CRTC1: variants seen among roughly 807,000 people sequenced by gnomAD.
CRTC1 encodes the protein CREB regulated transcription coactivator 1, also known as CREB-regulated transcription coactivator 1.
A neutral mutation model predicts 66.1 loss-of-function variants in CRTC1; 18 were observed. The ratio of observed to expected loss-of-function variants is 0.27; its 90% CI spans 0.19 to 0.40. The LOEUF is 0.40. Ranked by LOEUF, CRTC1 falls within the 10% of genes least tolerant of loss-of-function variation. The pLI is 1.00. For synonymous variants in CRTC1, 416 were observed against 398.8 expected (o/e 1.04, Z -0.51); for missense variants, 669 against 887.9 (o/e 0.75, Z 3.13).
chr19:18,693,860 A>G (rs932136579), intron 1 of CRTC1, among the ~76,000 whole-genome samples: 1 of 151,666 alleles, frequency 6.6e-6, no homozygotes, highest in Non-Finnish European at 1.5e-5. Flanking sequence ...CTGGGTGGGC[A>G]CAGTGGCTCA....
chr19:18,781,320 C>T lies in CRTC1; in HGVS notation c.*3938C>T. The stretch of plus-strand genomic sequence containing the variant: ...AGGCCTGCCTGGGCTACATGGACAC[C>T]TGGGTCTCTTTCTACCCCCATTCAC... On this transcript the variant is annotated 3_prime_UTR_variant, in exon 14 of 14. Transcript: ENST00000321949. 4.4e-6 allele frequency: 1 copy of T among 227,708 alleles called. No individual in the cohort carries two copies. The highest frequency in any genetic ancestry group is 8.7e-6 in the Non-Finnish European group (1 of 115,392). The allele number at this position is 227,708 out of a possible 1,614,324, so 14.1% of individuals were successfully genotyped here. A position where few individuals can be genotyped will look rare whatever the true frequency, so the allele number is the denominator to read the frequency against.
chr19:18,727,162 A>C (rs1381857550), intron 1 of CRTC1, among the ~76,000 whole-genome samples: 2 of 152,082 alleles, frequency 1.3e-5, no homozygotes, highest in Admixed American at 6.6e-5. Flanking sequence ...CAGCAGGAGA[A>C]TCACTTGAGC....
chr19:18,719,881 G>A (rs1474717296), intron 1 of CRTC1, among the ~76,000 whole-genome samples: 3 of 152,252 alleles, frequency 2.0e-5, no homozygotes, highest in African/African-American at 7.2e-5. Context: ...GATGGGCACA[G>A]GCCCGCTCCG....
At chr19:18,725,014 C>T (rs538321094) in intron 1 of CRTC1, among the ~76,000 whole-genome samples, 175 of 152,152 alleles carry the variant, frequency 1.2e-3, no homozygotes, top group African/African-American at 3.9e-3. Context: ...CACCCAGGAG[C>T]GCTCCTGTTG....
At chr19:18,716,379 G>A (rs1411832268) in intron 1 of CRTC1, among the ~76,000 whole-genome samples, 1 of 152,094 alleles carries the variant, frequency 6.6e-6, no homozygotes, top group Non-Finnish European at 1.5e-5. Flanking sequence ...AGCCTCCCAA[G>A]TAGCTGGGAT....
intron 1 of CRTC1, among the ~76,000 whole-genome samples, chr19:18,709,234 C>T (rs927983890): frequency 6.6e-6 from 1 of 152,116 alleles, no homozygotes; most frequent in African/African-American, 2.4e-5. Context: ...GGGACAGGGC[C>T]TCCCAGCCTG....
At position 18,748,214 on chromosome 19, in the gene CRTC1, CAT is replaced by C. The variant is rs1237884993; in HGVS notation, c.443+1103_443+1104del. ...AGTTAAAACTATACATATATACACA[CAT>C]ATTTACATACATATGTATACAAACG... On this transcript the variant is annotated intron_variant, in intron 4 of 13. Transcript: ENST00000321949. Among the ~76,000 whole-genome samples, 7 of 152,136 alleles carry C rather than the reference CAT, an allele frequency of 4.6e-5. No individual in the cohort carries two copies. The South Asian group carries it at 1.5e-3, about 32-fold the overall frequency.
intron 1 of CRTC1, among the ~76,000 whole-genome samples, chr19:18,707,580 A>G (rs1162262961): frequency 1.3e-5 from 2 of 152,136 alleles, no homozygotes; most frequent in Non-Finnish European, 2.9e-5. Context: ...TGTCTATTTC[A>G]GATTCCTTGA....
intron 1 of CRTC1, among the ~76,000 whole-genome samples, chr19:18,733,590 CTCA>C (rs1272910384): frequency 4.6e-5 from 7 of 152,216 alleles, no homozygotes; most frequent in Admixed American, 1.3e-4. Context: ...CCCTGATGCT[CTCA>C]TCATCATTCC....
intron 1 of CRTC1, among the ~76,000 whole-genome samples, chr19:18,697,200 C>T (rs1403262924): frequency 2.6e-5 from 4 of 152,162 alleles, no homozygotes; most frequent in South Asian, 2.1e-4. Flanking sequence ...GAAGCATGGC[C>T]GGGGCCTCCT....
chr19:18,720,120 G>C (rs1390880034), intron 1 of CRTC1, among the ~76,000 whole-genome samples: 2 of 152,214 alleles, frequency 1.3e-5, no homozygotes, highest in Non-Finnish European at 2.9e-5. Flanking sequence ...TGTGCACCAA[G>C]AGATGTGTTT....
intron 1 of CRTC1, among the ~76,000 whole-genome samples, chr19:18,700,239 G>A (rs538751653): frequency 6.6e-6 from 1 of 152,158 alleles, no homozygotes; most frequent in Non-Finnish European, 1.5e-5. Flanking sequence ...TGAAGGGTGC[G>A]GTGAGGCCCA....
chr19:18,699,655 C>T (rs2053081666), intron 1 of CRTC1, among the ~76,000 whole-genome samples: 1 of 152,318 alleles, frequency 6.6e-6, no homozygotes, highest in South Asian at 2.1e-4. Context: ...GGAAGCCACA[C>T]CTGTGCCAGC....
At chr19:18,746,908 A>G in intron 3 of CRTC1, 145 bp from the exon 4 acceptor site, 1 of 663,364 alleles carries the variant, frequency 1.5e-6, no homozygotes, top group Non-Finnish European at 2.7e-6. Context: ...GCCGGCAGGA[A>G]ACGCCCCCCG....
chr19:18,777,674 CG>C lies in CRTC1; in HGVS notation c.*296del. 6.8e-6 allele frequency: 3 copies of C among 440,512 alleles called. No homozygotes were observed. Among genetic ancestry groups the C allele is most frequent in the South Asian group, 2.6e-5 (1 of 38,096 alleles). The allele number at this position is 440,512 out of a possible 1,614,324, so 27.3% of individuals were successfully genotyped here. A position where few individuals can be genotyped will look rare whatever the true frequency, so the allele number is the denominator to read the frequency against. On this transcript the variant is annotated 3_prime_UTR_variant, in exon 14 of 14. Coordinates refer to ENST00000321949, the MANE Select transcript of CRTC1 (RefSeq NM_015321.3). This position sits in a 1 kb window ranked among gnomAD's most constrained non-coding sequence, Gnocchi z 5.5. ...GCACTGGCTCCCTCGCCCCCAGCCC[CG>C]GGGCCTGAGCCGTCCCCTGTAAGAT...
intron 1 of CRTC1, among the ~76,000 whole-genome samples, chr19:18,739,966 A>C (rs2054077088): frequency 6.6e-6 from 1 of 152,130 alleles, no homozygotes; most frequent in Non-Finnish European, 1.5e-5. Flanking sequence ...AAATTACCCA[A>C]GGGAGGCTGG....
chr19:18,708,994 G>A (rs1176461748), intron 1 of CRTC1, among the ~76,000 whole-genome samples: 1 of 152,234 alleles, frequency 6.6e-6, no homozygotes, highest in East Asian at 1.9e-4. Flanking sequence ...GAGGAAGGCT[G>A]AGGGGAAGGC....
intron 1 of CRTC1, among the ~76,000 whole-genome samples, chr19:18,727,740 G>T (rs2053794660): frequency 6.6e-5 from 10 of 151,876 alleles, no homozygotes; most frequent in Admixed American, 5.3e-4. Flanking sequence ...TTTATTTTTT[G>T]AGATGGAGTC....
intron 1 of CRTC1, among the ~76,000 whole-genome samples, chr19:18,733,447 G>C (rs1600875626): frequency 6.6e-6 from 1 of 152,346 alleles, no homozygotes; most frequent in East Asian, 1.9e-4. Flanking sequence ...CAGCAACCAT[G>C]CCTGATAAAA....
Sources: allele counts gnomAD v4.1 joint callset (sites outside exome capture counted in the v4.1 genomes callset), GRCh38; gene constraint gnomAD v4.1.1; non-coding constraint Gnocchi (gnomAD v3.1); transcripts MANE v1.5; gene names NCBI Gene and HGNC (gene_info 2026-07-23, HGNC 2026-07-21).